Variants in CHST2 observed in about 807,000 individuals in gnomAD.
CHST2 encodes the protein carbohydrate sulfotransferase 2, also known as N-acetylglucosamine 6-O-sulfotransferase 1.
A neutral mutation model predicts 34.6 loss-of-function variants in CHST2; 23 were observed. The ratio of observed to expected loss-of-function variants is 0.67; its 90% CI spans 0.48 to 0.94. CHST2 has a LOEUF of 0.94. CHST2 is among the 40% of genes least tolerant of loss of function. The probability of loss-of-function intolerance (pLI) is 0.00; values close to 1 mark genes in which losing one functional copy is unlikely to be tolerated. For synonymous variants in CHST2, 392 were observed against 343.1 expected (o/e 1.14, Z -1.58); for missense variants, 720 against 759.5 (o/e 0.95, Z 0.61).
At position 143,123,690 on chromosome 3, in the gene CHST2, T is replaced by C; in HGVS notation, c.*1281T>C. ...TGGAATATGTTGCTTTTCTTTATCA[T>C]GTTTCCTAAAAGTAAATTTGCAAAG... On this transcript the variant is annotated 3_prime_UTR_variant, in exon 2 of 2. Transcript: ENST00000309575. The C allele has an allele frequency of 6.6e-6, 1 of 152,250 alleles. No individual in the cohort carries two copies. The allele number at this position is 152,250 out of a possible 1,614,324, so 9.4% of individuals were successfully genotyped here.
Position 143,123,967 on chromosome 3 carries a change from G to T in CHST2, c.*1558G>T, listed in dbSNP as rs1352763648. 2.0e-5 allele frequency: 3 copies of T among 152,216 alleles called. No homozygotes were observed. Among genetic ancestry groups the T allele is most frequent in the South Asian group, 2.1e-4 (1 of 4,834 alleles). 9.4% of individuals were successfully genotyped at this position (152,216 alleles called of 1,614,324 possible). A position where few individuals can be genotyped will look rare whatever the true frequency, so the allele number is the denominator to read the frequency against. ...TTGTGAAGCCCAAATGGGAACAAGA[G>T]ACAGTGTAGTTGTATATGACAGTAA... On this transcript the variant is annotated 3_prime_UTR_variant, in exon 2 of 2. Coordinates refer to ENST00000309575, the MANE Select transcript of CHST2 (RefSeq NM_004267.5).
Position 143,121,049 on chromosome 3 carries a change from G to A in CHST2, c.233G>A (p.Trp78Ter), listed in dbSNP as rs1327946648. The change falls in exon 2 of 2, where the codon TGG becomes TAG. Residue 78 changes from tryptophan to a stop codon, truncating the protein, a stop_gained. Transcript: ENST00000309575. LOFTEE classifies it high-confidence loss of function. ...LTMLNLLDYK[W>*]HKEPLQQCNP... ...ATGCTCAACCTCCTGGACTACAAGT[G>A]GCACAAGGAGCCGCTGCAGCAGTGC... 5 of 1,523,976 alleles carry A rather than the reference G, an allele frequency of 3.3e-6. No individual in the cohort carries two copies. Among genetic ancestry groups the A allele is most frequent in the Non-Finnish European group, 4.4e-6 (5 of 1,136,958 alleles). The allele number at this position is 1,523,976 out of a possible 1,614,324, so 94.4% of individuals were successfully genotyped here. A position where few individuals can be genotyped will look rare whatever the true frequency, so the allele number is the denominator to read the frequency against.
chr3:143,123,334 C>G lies in CHST2; in HGVS notation c.*925C>G, dbSNP rs1409337305. The G allele has an allele frequency of 6.6e-6, 1 of 152,160 alleles. No individual in the cohort carries two copies. Among genetic ancestry groups the G allele is most frequent in the Non-Finnish European group, 1.5e-5 (1 of 68,040 alleles). 9.4% of individuals were successfully genotyped at this position (152,160 alleles called of 1,614,324 possible). On this transcript the variant is annotated 3_prime_UTR_variant, in exon 2 of 2. Coordinates refer to ENST00000309575, the MANE Select transcript of CHST2 (RefSeq NM_004267.5). ...TCAGTTAAAATGGGGAACCTTGAAGCAGAGACCAATGTTTTGGTGCTGAGG... is the reference window on the plus strand; with the variant it reads ...TCAGTTAAAATGGGGAACCTTGAAGGAGAGACCAATGTTTTGGTGCTGAGG...
In CHST2 at chr3:143,122,356, C is replaced by A. The variant is rs779062913; in HGVS notation, c.1540C>A (p.Pro514Thr). ...CCTGGGCTATGAGCGGGTCAACAGC[C>A]CTGAGGAGGTCAAAGACCTCAGCAA... ...AVLGYERVNS[P>T]EEVKDLSKTL... Residue 514 changes from proline (P) to threonine (T), a missense_variant, in exon 2 of 2, where the codon CCT becomes ACT. Pro to Thr is a conservative substitution (Grantham distance 38). This residue lies in a region of CHST2 where 224 missense variants were observed against 227.8 expected (regional missense o/e 0.98). Coordinates refer to ENST00000309575, the MANE Select transcript of CHST2 (RefSeq NM_004267.5). 3 of 1,612,944 alleles carry A rather than the reference C, an allele frequency of 1.9e-6. No individual in the cohort carries two copies. Among genetic ancestry groups the A allele is most frequent in the Non-Finnish European group, 2.5e-6 (3 of 1,179,628 alleles).
Position 143,122,652 on chromosome 3 carries a change from T to G in CHST2, c.*243T>G. The G allele has an allele frequency of 2.6e-6, 1 of 392,134 alleles. No individual in the cohort carries two copies. The highest frequency in any genetic ancestry group is 4.7e-6 in the Non-Finnish European group (1 of 213,396). The allele number at this position is 392,134 out of a possible 1,614,324, so 24.3% of individuals were successfully genotyped here. ...ACGTTCTGACCAGGTGCCCCTCTTC[T>G]TCTTTGCCTTCTCTTGTCCTCTTTC... On this transcript the variant is annotated 3_prime_UTR_variant, in exon 2 of 2. Coordinates refer to ENST00000309575, the MANE Select transcript of CHST2 (RefSeq NM_004267.5).
In CHST2 at chr3:143,121,067, A is replaced by G. The variant is rs1936206114; in HGVS notation, c.251A>G (p.Gln84Arg). ...LDYKWHKEPL[Q>R]QCNPDGPLGA... ...TACAAGTGGCACAAGGAGCCGCTGC[A>G]GCAGTGCAACCCCGATGGGCCGCTG... The change falls in exon 2 of 2, where the codon CAG becomes CGG. Residue 84 changes from glutamine (Q) to arginine (R), a missense_variant. Around this residue, in one of 4 missense-constraint regions of CHST2, gnomAD observed 287 missense variants for 242.7 expected, o/e 1.18. Coordinates refer to ENST00000309575, the MANE Select transcript of CHST2 (RefSeq NM_004267.5). 1 of 1,519,768 alleles carries G rather than the reference A, an allele frequency of 6.6e-7. No homozygotes were observed. 94.1% of individuals were successfully genotyped at this position (1,519,768 alleles called of 1,614,324 possible). A position where few individuals can be genotyped will look rare whatever the true frequency, so the allele number is the denominator to read the frequency against.
Position 143,121,752 on chromosome 3 carries a change from G to C in CHST2, c.936G>C (p.Ala312=). The C allele has an allele frequency of 6.2e-7, 1 of 1,604,820 alleles. No homozygotes were observed. The change falls in exon 2 of 2, where the codon GCG becomes GCC. Residue 312 remains alanine, a synonymous_variant. Transcript: ENST00000309575. ...VIKGVRVFDV[A]VLAPLLRDPA... is the part of the protein sequence containing the mutation. ...AGGGTGTGCGCGTCTTCGACGTGGC[G>C]GTCTTGGCGCCACTGCTGCGAGACC...
rs1936194579 is a variant in CHST2 at position 143,120,570 on chromosome 3, G to C, written c.-174+29G>C. On this transcript the variant is annotated intron_variant, in intron 1 of 1. Transcript: ENST00000309575. The surrounding 1 kb of genome is among the most constrained non-coding windows in gnomAD (Gnocchi z 4.1). ...AGCGGAGGAACCGGGCAGAACCGAG[G>C]GTGGGCGTTACTTAGGAGGAGGAGG... is the stretch of plus-strand genomic sequence containing the variant. 1 of 264,918 alleles carries C rather than the reference G, an allele frequency of 3.8e-6. No homozygotes were observed. The highest frequency in any genetic ancestry group is 1.7e-4 in the South Asian group (1 of 5,950). The allele number at this position is 264,918 out of a possible 1,614,324, so 16.4% of individuals were successfully genotyped here. A position where few individuals can be genotyped will look rare whatever the true frequency, so the allele number is the denominator to read the frequency against.
chr3:143,122,117 A>T lies in CHST2; in HGVS notation c.1301A>T (p.Lys434Met), dbSNP rs1177296445. The change falls in exon 2 of 2, where the codon AAG becomes ATG. Residue 434 changes from lysine (K) to methionine (M), a missense_variant. By Grantham distance (95) the Lys-to-Met change is moderately conservative. Around this residue, in one of 4 missense-constraint regions of CHST2, gnomAD observed 224 missense variants for 227.8 expected, o/e 0.98. Coordinates refer to ENST00000309575, the MANE Select transcript of CHST2 (RefSeq NM_004267.5). ...GAGGACCTGGTGGGAGACCCCGTCA[A>T]GACACTACGGAGAGTGTACGATTTT... is the stretch of plus-strand genomic sequence containing the variant. ...RYEDLVGDPV[K>M]TLRRVYDFVG... The T allele has an allele frequency of 6.2e-7, 1 of 1,614,212 alleles. No individual in the cohort carries two copies.
chr3:143,121,294 G>A lies in CHST2; in HGVS notation c.478G>A (p.Val160Ile), dbSNP rs1380842314. The change falls in exon 2 of 2, where the codon GTC becomes ATC. Residue 160 changes from valine (V) to isoleucine (I), a missense_variant. Coordinates refer to ENST00000309575, the MANE Select transcript of CHST2 (RefSeq NM_004267.5). ...PGNGTRGTGGVGDKRQLVYVF... is the reference protein window; with the variant it reads ...PGNGTRGTGGIGDKRQLVYVF... The stretch of plus-strand genomic sequence containing the variant: ...CAATGGCACTCGGGGCACCGGGGGC[G>A]TCGGGGACAAGCGGCAGCTGGTGTA... 4.3e-6 allele frequency: 7 copies of A among 1,611,656 alleles called. No individual in the cohort carries two copies. The highest frequency in any genetic ancestry group is 5.9e-6 in the Non-Finnish European group (7 of 1,179,286).
chr3:143,122,088 G>T lies in CHST2; in HGVS notation c.1272G>T (p.Arg424=). The change falls in exon 2 of 2, where the codon CGG becomes CGT. Residue 424 remains arginine (R), a synonymous_variant. Transcript: ENST00000309575. ...DWLQGHYLVV[R]YEDLVGDPVK... is the part of the protein sequence containing the mutation. ...TGCAGGGCCACTACCTGGTGGTGCG[G>T]TACGAGGACCTGGTGGGAGACCCCG... The T allele has an allele frequency of 6.2e-7, 1 of 1,614,190 alleles. No homozygotes were observed. Among genetic ancestry groups the T allele is most frequent in the Non-Finnish European group, 8.5e-7 (1 of 1,180,018 alleles).
rs1559817020 is a variant in CHST2, at chr3:143,122,094, G to A, written c.1278G>A (p.Glu426=). 6.2e-7 allele frequency: 1 copy of A among 1,614,042 alleles called. No individual in the cohort carries two copies. The highest frequency in any genetic ancestry group is 1.1e-5 in the South Asian group (1 of 91,090). ...LQGHYLVVRY[E]DLVGDPVKTL... ...GCCACTACCTGGTGGTGCGGTACGA[G>A]GACCTGGTGGGAGACCCCGTCAAGA... Residue 426 remains glutamate, a synonymous_variant, in exon 2 of 2, where the codon GAG becomes GAA. Transcript: ENST00000309575.
Position 143,121,738 on chromosome 3 carries a change from G to A in CHST2, c.922G>A (p.Val308Ile). The change falls in exon 2 of 2, where the codon GTC becomes ATC. Residue 308 changes from valine to isoleucine, a missense_variant. By Grantham distance (29) the Val-to-Ile change is conservative. This residue lies in a region of CHST2 where 166 missense variants were observed against 211.4 expected (regional missense o/e 0.79). Transcript: ENST00000309575. ...CACACTAGTCATAAAGGGTGTGCGC[G>A]TCTTCGACGTGGCGGTCTTGGCGCC... ...YRTLVIKGVR[V>I]FDVAVLAPLL... The A allele has an allele frequency of 6.2e-7, 1 of 1,601,810 alleles. No homozygotes were observed. Among genetic ancestry groups the A allele is most frequent in the Non-Finnish European group, 8.5e-7 (1 of 1,173,984 alleles).
In CHST2 at chr3:143,120,827, G is replaced by C. The variant is rs1326127084; in HGVS notation, c.11G>C (p.Ser4Thr). The change falls in exon 2 of 2, where the codon AGC (serine) becomes ACC (threonine). Residue 4 changes from serine (S) to threonine (T), a missense_variant. This residue lies in a region of CHST2 where 287 missense variants were observed against 242.7 expected (regional missense o/e 1.18). Coordinates refer to ENST00000309575, the MANE Select transcript of CHST2 (RefSeq NM_004267.5). This position sits in a 1 kb window ranked among gnomAD's most constrained non-coding sequence, Gnocchi z 4.1. The part of the protein sequence containing the change: MSR[S>T]PQRALPPGAL... ...CGGATTGTGCCTGTGATGAGCCGCA[G>C]CCCGCAGCGAGCTCTGCCCCCGGGC... The C allele has an allele frequency of 3.0e-6, 4 of 1,314,422 alleles. No homozygotes were observed. Among genetic ancestry groups the C allele is most frequent in the South Asian group, 2.4e-5 (1 of 42,498 alleles). The allele number at this position is 1,314,422 out of a possible 1,614,324, so 81.4% of individuals were successfully genotyped here. A position where few individuals can be genotyped will look rare whatever the true frequency, so the allele number is the denominator to read the frequency against.
Position 143,123,778 on chromosome 3 carries a change from A to G in CHST2, c.*1369A>G, listed in dbSNP as rs1371449492. 6.6e-6 allele frequency: 1 copy of G among 152,238 alleles called. No homozygotes were observed. The highest frequency in any genetic ancestry group is 2.4e-5 in the African/African-American group (1 of 41,464). The allele number at this position is 152,238 out of a possible 1,614,324, so 9.4% of individuals were successfully genotyped here. A position where few individuals can be genotyped will look rare whatever the true frequency, so the allele number is the denominator to read the frequency against. Reference sequence around the variant, plus strand: ...AGAGCTTCTTTTAGATATGATAATGAATTGTGGTAAAGAGGAAATGAAAAT... The same window carrying G: ...AGAGCTTCTTTTAGATATGATAATGGATTGTGGTAAAGAGGAAATGAAAAT... On this transcript the variant is annotated 3_prime_UTR_variant, in exon 2 of 2. Transcript: ENST00000309575.
chr3:143,120,584 AGGAGGAGGAGGCTG>A lies in CHST2; in HGVS notation c.-174+49_-173-41del. 3.5e-6 allele frequency: 1 copy of A among 282,802 alleles called. No homozygotes were observed. Among genetic ancestry groups the A allele is most frequent in the East Asian group, 6.6e-5 (1 of 15,182 alleles). The allele number at this position is 282,802 out of a possible 1,614,324, so 17.5% of individuals were successfully genotyped here. A position where few individuals can be genotyped will look rare whatever the true frequency, so the allele number is the denominator to read the frequency against. ...GCAGAACCGAGGGTGGGCGTTACTTAGGAGGAGGAGGCTGGGAGGGAGATTGGGGCGCATCCGCT... is the reference window on the plus strand; with the variant it reads ...GCAGAACCGAGGGTGGGCGTTACTTAGGAGGGAGATTGGGGCGCATCCGCT... On this transcript the variant is annotated intron_variant, in intron 1 of 1. Transcript: ENST00000309575. The surrounding 1 kb of genome is among the most constrained non-coding windows in gnomAD (Gnocchi z 4.1).
rs533372458 is a variant in CHST2 at position 143,121,898 on chromosome 3, C to T, written c.1082C>T (p.Pro361Leu). Residue 361 changes from proline to leucine, a missense_variant, in exon 2 of 2, where the codon CCG (proline) becomes CTG (leucine). Physicochemically the swap from Pro to Leu is moderately conservative, Grantham distance 98. This residue lies in a region of CHST2 where 224 missense variants were observed against 227.8 expected (regional missense o/e 0.98). Transcript: ENST00000309575. The stretch of plus-strand genomic sequence containing the variant: ...CTACAGGTGGTGCGCAGCCGAGACC[C>T]GCGAGCTCACCGCATGCCCTTCTTG... ...ESLQVVRSRD[P>L]RAHRMPFLEA... 1.3e-6 allele frequency: 2 copies of T among 1,576,812 alleles called. No individual in the cohort carries two copies. The highest frequency in any genetic ancestry group is 1.2e-5 in the South Asian group (1 of 86,196).
At position 143,121,882 on chromosome 3, in the gene CHST2, G is replaced by A; in HGVS notation, c.1066G>A (p.Val356Met). Reference protein sequence around the residue: ...HGLIRESLQVVRSRDPRAHRM... With the variant: ...HGLIRESLQVMRSRDPRAHRM... Reference sequence around the variant, plus strand: ...CCTCATCCGTGAGAGCCTACAGGTGGTGCGCAGCCGAGACCCGCGAGCTCA... The same window carrying A: ...CCTCATCCGTGAGAGCCTACAGGTGATGCGCAGCCGAGACCCGCGAGCTCA... Residue 356 changes from valine to methionine, a missense_variant, in exon 2 of 2, where the codon GTG (valine) becomes ATG (methionine). Coordinates refer to ENST00000309575, the MANE Select transcript of CHST2 (RefSeq NM_004267.5). The A allele has an allele frequency of 6.3e-7, 1 of 1,578,148 alleles. No homozygotes were observed.
rs564428568 is a variant in CHST2, at chr3:143,121,920, C to A, written c.1104C>A (p.Phe368Leu). Residue 368 changes from phenylalanine (F) to leucine (L), a missense_variant, in exon 2 of 2, where the codon TTC (phenylalanine) becomes TTA (leucine). By Grantham distance (22) the Phe-to-Leu change is conservative. Coordinates refer to ENST00000309575, the MANE Select transcript of CHST2 (RefSeq NM_004267.5). ...ACCCGCGAGCTCACCGCATGCCCTT[C>A]TTGGAGGCCGCGGGCCACAAGCTTG... ...SRDPRAHRMP[F>L]LEAAGHKLGA... The A allele has an allele frequency of 7.0e-6, 11 of 1,578,854 alleles. No individual in the cohort carries two copies. In the South Asian group the frequency reaches 1.3e-4, roughly 18 times the overall value.
Sources: allele counts gnomAD v4.1 joint callset, GRCh38; gene constraint gnomAD v4.1.1; regional missense constraint gnomAD v4.1.1; non-coding constraint Gnocchi (gnomAD v3.1); transcripts MANE v1.5; gene names NCBI Gene and HGNC (gene_info 2026-07-23, HGNC 2026-07-21).